The following ACSM3 variants were observed in gnomAD, a reference collection of about 807,000 sequenced individuals.
The protein encoded by ACSM3 is acyl-coenzyme A synthetase ACSM3, mitochondrial.
A neutral mutation model predicts 74.1 loss-of-function variants in ACSM3; 61 were observed. That is an observed-to-expected ratio of 0.82 (90% CI 0.67 to 1.02). The LOEUF is 1.02. ACSM3 is among the 50% of genes least tolerant of loss of function. The pLI is 0.00. For synonymous variants in ACSM3, 213 were observed against 241.5 expected, an observed-to-expected ratio of 0.88 and a Z score of 1.09; for missense variants, 660 against 697.0, an observed-to-expected ratio of 0.95 and a Z score of 0.60.
intron 1 of ACSM3, chr16:20,681,545 A>T (rs2079445907): frequency 6.6e-6 from 1 of 152,102 alleles, no homozygotes; most frequent in Non-Finnish European, 1.5e-5. Context: ...ACCCCTGTTT[A>T]TTAGGAGGAT....
At chr16:20,709,987 G>A (rs1365157337) in intron 1 of ACSM3, among the ~76,000 whole-genome samples, 1 of 152,146 alleles carries the variant, frequency 6.6e-6, no homozygotes, top group Admixed American at 6.5e-5. Context: ...AAACAGTAGT[G>A]GTTATCTGTA....
At chr16:20,684,429 T>A (rs191431541) in intron 1 of ACSM3, among the ~76,000 whole-genome samples, 9 of 152,334 alleles carry the variant, frequency 5.9e-5, no homozygotes, top group Non-Finnish European at 1.2e-4. Flanking sequence ...ACAGTATAAC[T>A]GAAGAGGGAA....
intron 12 of ACSM3, among the ~76,000 whole-genome samples, chr16:20,793,104 A>G (rs1470950289): frequency 6.6e-6 from 1 of 152,166 alleles, no homozygotes; most frequent in Admixed American, 6.5e-5. Context: ...AATCCTAGGT[A>G]TAGGGCTTCA....
At chr16:20,780,541 G>T in intron 4 of ACSM3, 173 bp from the exon 5 acceptor site, 1 of 1,340,232 alleles carries the variant, frequency 7.5e-7, no homozygotes, top group Non-Finnish European at 1.0e-6. Context: ...ATTCTAGAAA[G>T]CACCTAAAAG....
At chr16:20,742,792 A>AATATATATATATATATAT (rs1216173827) in intron 1 of ACSM3, among the ~76,000 whole-genome samples, 3 of 136,404 alleles carry the variant, frequency 2.2e-5, no homozygotes, top group East Asian at 4.5e-4. Flanking sequence ...GGTGCGTGTA[A>AATATATATATATATATAT]ATATATATAT....
At chr16:20,789,527 C>G (rs1416979984) in intron 9 of ACSM3, 1 of 1,613,710 alleles carries the variant, frequency 6.2e-7, no homozygotes, top group South Asian at 1.1e-5. Context: ...TCATATTGGG[C>G]TTCTGAAGTA....
chr16:20,761,552 C>T (rs780372384), upstream of ACSM3, among the ~76,000 whole-genome samples: 1 of 152,128 alleles, frequency 6.6e-6, no homozygotes, highest in South Asian at 2.1e-4. Context: ...ACCCCCCACA[C>T]GTCTAGTGTC....
At chr16:20,761,481 A>T (rs1459934054), upstream of ACSM3, among the ~76,000 whole-genome samples, 3 of 152,170 alleles carry the variant, frequency 2.0e-5, no homozygotes, top group Admixed American at 1.3e-4. Flanking sequence ...GACAGTGTTG[A>T]ACTAAGTAGG....
intron 1 of ACSM3, chr16:20,682,469 G>T: frequency 6.2e-7 from 1 of 1,611,148 alleles, no homozygotes; most frequent in Non-Finnish European, 8.5e-7. Context: ...GATCCCTGGG[G>T]ATGAGAAAGG....
At chr16:20,791,233 T>A (rs1194971252) in intron 10 of ACSM3, among the ~76,000 whole-genome samples, 1 of 152,192 alleles carries the variant, frequency 6.6e-6, no homozygotes, top group Non-Finnish European at 1.5e-5. Flanking sequence ...CAGTATCTTG[T>A]TTTTTCTTAT....
intron 9 of ACSM3, among the ~76,000 whole-genome samples, chr16:20,786,570 C>A (rs2080479576): frequency 6.6e-6 from 1 of 152,138 alleles, no homozygotes; most frequent in Non-Finnish European, 1.5e-5. Context: ...GTGGTCCCAG[C>A]TACTCAGAAG....
chr16:20,755,148 TA>T, intron 2 of ACSM3, among the ~76,000 whole-genome samples: 1 of 152,140 alleles, frequency 6.6e-6, no homozygotes, highest in Non-Finnish European at 1.5e-5. Context: ...CACCTGGCAA[TA>T]ATGAGGTGGT....
intron 1 of ACSM3, among the ~76,000 whole-genome samples, chr16:20,742,300 TC>T (rs1236169386): frequency 6.6e-6 from 1 of 152,124 alleles, no homozygotes; most frequent in Non-Finnish European, 1.5e-5. Flanking sequence ...CTTTATGTGT[TC>T]CTTGAGCCCA....
intron 1 of ACSM3, among the ~76,000 whole-genome samples, chr16:20,708,238 T>C (rs569044208): frequency 6.9e-4 from 105 of 152,030 alleles, no homozygotes; most frequent in Admixed American, 1.1e-3. Flanking sequence ...GAGGTGGAGG[T>C]TGCAGTGAGC....
chr16:20,791,882 C>A, intron 10 of ACSM3, 120 bp from the exon 11 acceptor site: 1 of 1,170,954 alleles, frequency 8.5e-7, no homozygotes, highest in Non-Finnish European at 1.2e-6. Context: ...AAGCCAAGAT[C>A]GTACTACTGC....
At chr16:20,786,206 A>C in intron 9 of ACSM3, 48 bp downstream of exon 9, 1 of 1,591,540 alleles carries the variant, frequency 6.3e-7, no homozygotes, top group Non-Finnish European at 8.6e-7. Context: ...CAATCTGTAC[A>C]CTACCTACCT....
At chr16:20,739,522 T>C (rs1424299595) in intron 1 of ACSM3, among the ~76,000 whole-genome samples, 1 of 152,026 alleles carries the variant, frequency 6.6e-6, no homozygotes, top group Non-Finnish European at 1.5e-5. Context: ...CACCACACCC[T>C]TCAAAACGTG....
chr16:20,692,574 G>T (rs1390206234), intron 1 of ACSM3, among the ~76,000 whole-genome samples: 1 of 152,092 alleles, frequency 6.6e-6, no homozygotes, highest in Non-Finnish European at 1.5e-5. Flanking sequence ...GACCTAAAAG[G>T]GTATGTGGCT....
chr16:20,786,588 T>C (rs545610184), intron 9 of ACSM3, among the ~76,000 whole-genome samples: 90 of 152,234 alleles, frequency 5.9e-4, no homozygotes, highest in African/African-American at 2.1e-3. Context: ...AAGGCTGAGA[T>C]GGGAGGATTG....
Sources: allele counts gnomAD v4.1 joint callset (sites outside exome capture counted in the v4.1 genomes callset), GRCh38; gene constraint gnomAD v4.1.1; transcripts MANE v1.5; gene names NCBI Gene and HGNC (gene_info 2026-07-23, HGNC 2026-07-21).